RNF130: variants seen among roughly 807,000 people sequenced by gnomAD.
RNF130 encodes E3 ubiquitin-protein ligase RNF130.
RNF130 carries 21 observed loss-of-function variants against 44.6 expected under a neutral mutation model. The observed-to-expected ratio is 0.47, with a 90% CI of 0.33 to 0.68. The LOEUF (loss-of-function observed/expected upper bound fraction) is 0.68. Among genes scored for constraint, RNF130 ranks in the 30% least tolerant of loss-of-function variants. The pLI, the probability that RNF130 is intolerant of heterozygous loss-of-function variation, is 0.02. For synonymous variants in RNF130, 214 were observed against 210.4 expected, an observed-to-expected ratio of 1.02 and a Z score of -0.15; for missense variants, 479 against 560.6, an observed-to-expected ratio of 0.85 and a Z score of 1.47.
rs556311272 is a variant in RNF130 at position 179,962,435 on chromosome 5, T to C, written c.1244+1036A>G. On this transcript the variant is annotated intron_variant, in intron 8 of 8. Coordinates refer to ENST00000521389, the MANE Select transcript of RNF130 (RefSeq NM_018434.6). Reference sequence around the variant, plus strand: ...CAACTGCATGAGGTAATCAGTTTGGTTATTACTCATCAATTAAAGTATCAG... The same window carrying C: ...CAACTGCATGAGGTAATCAGTTTGGCTATTACTCATCAATTAAAGTATCAG... Among the ~76,000 whole-genome samples the C allele has an allele frequency of 2.0e-5, 3 of 152,306 alleles. No homozygotes were observed. The South Asian group carries it at 6.2e-4, about 32-fold the overall frequency.
intron 7 of RNF130, among the ~76,000 whole-genome samples, chr5:179,938,765 C>T (rs1432967892): frequency 6.6e-6 from 1 of 152,136 alleles, no homozygotes; most frequent in Non-Finnish European, 1.5e-5. Flanking sequence ...CCTTTCACTA[C>T]TAACTACTGA....
chr5:179,928,816 G>C (rs1222637622), intron 7 of RNF130, among the ~76,000 whole-genome samples: 1 of 151,942 alleles, frequency 6.6e-6, no homozygotes, highest in East Asian at 1.9e-4. Flanking sequence ...TTTTAGTAGA[G>C]ACGGGGTTTC....
chr5:179,928,261 A>G (rs1182434879), intron 7 of RNF130, among the ~76,000 whole-genome samples: 1 of 152,122 alleles, frequency 6.6e-6, no homozygotes, highest in Admixed American at 6.5e-5. Context: ...GTCAGCAGAC[A>G]CTGGCCATGT....
intron 3 of RNF130, among the ~76,000 whole-genome samples, chr5:179,980,961 C>A (rs1762820764): frequency 6.6e-6 from 1 of 152,034 alleles, no homozygotes; most frequent in Non-Finnish European, 1.5e-5. Context: ...ATGCCCAGGG[C>A]CAGGTGGCAG....
At chr5:180,006,526 AT>A (rs1763466315) in intron 3 of RNF130, among the ~76,000 whole-genome samples, 1 of 152,236 alleles carries the variant, frequency 6.6e-6, no homozygotes, top group South Asian at 2.1e-4. Context: ...TACACATGTT[AT>A]GGCAAGAAGC....
intron 7 of RNF130, chr5:179,940,234 CTT>C (rs749069307): frequency 4.1e-5 from 6 of 144,594 alleles, no homozygotes; most frequent in Non-Finnish European, 4.6e-5. Flanking sequence ...TCTTTTTTTT[CTT>C]TTTTTTTTTT....
chr5:179,995,968 A>C (rs1190692559), intron 3 of RNF130, among the ~76,000 whole-genome samples: 2 of 152,224 alleles, frequency 1.3e-5, no homozygotes, highest in Non-Finnish European at 2.9e-5. Flanking sequence ...GGAAAAACCC[A>C]TACAAAGATT....
At chr5:180,012,705 G>A (rs1763620873) in intron 3 of RNF130, among the ~76,000 whole-genome samples, 2 of 152,158 alleles carry the variant, frequency 1.3e-5, no homozygotes, top group Non-Finnish European at 2.9e-5. Context: ...GGGGAAGAGT[G>A]AAGTCTCCCT....
chr5:180,065,513 C>A (rs1374985573), intron 1 of RNF130, among the ~76,000 whole-genome samples: 1 of 152,156 alleles, frequency 6.6e-6, no homozygotes, highest in African/African-American at 2.4e-5. Context: ...GTAATCCCAG[C>A]ACTTTGGGAG....
intron 7 of RNF130, among the ~76,000 whole-genome samples, chr5:179,949,538 C>G (rs747739088): frequency 6.6e-6 from 1 of 152,024 alleles, no homozygotes; most frequent in Admixed American, 6.6e-5. Context: ...AACAACCTGT[C>G]TCTTGCATTA....
intron 2 of RNF130, among the ~76,000 whole-genome samples, chr5:180,034,889 T>C (rs1354615938): frequency 6.6e-6 from 1 of 152,234 alleles, no homozygotes; most frequent in African/African-American, 2.4e-5. Flanking sequence ...TAAGTTTCTG[T>C]AGAGTCAGTA....
At chr5:180,007,991 T>TG (rs1159775325) in intron 3 of RNF130, among the ~76,000 whole-genome samples, 3 of 150,048 alleles carry the variant, frequency 2.0e-5, no homozygotes, top group African/African-American at 7.3e-5. Context: ...TCTTTTAGTT[T>TG]TTTTTTTTTT....
intron 7 of RNF130, among the ~76,000 whole-genome samples, chr5:179,929,449 C>T (rs1289728579): frequency 3.3e-5 from 5 of 152,106 alleles, no homozygotes; most frequent in Admixed American, 6.6e-5. Context: ...TCCATTTCCA[C>T]GTAAATTCTA....
chr5:180,015,109 A>T (rs1424292145), intron 2 of RNF130, among the ~76,000 whole-genome samples: 1 of 152,256 alleles, frequency 6.6e-6, no homozygotes, highest in Non-Finnish European at 1.5e-5. Context: ...AGTTTACCAG[A>T]ATACCGATTA....
intron 7 of RNF130, among the ~76,000 whole-genome samples, chr5:179,936,288 G>C (rs997670167): frequency 6.6e-6 from 1 of 152,156 alleles, no homozygotes; most frequent in African/African-American, 2.4e-5. Context: ...TTTTTGTAGA[G>C]ACAGGGTCTT....
chr5:179,945,674 G>A (rs1418661514), intron 7 of RNF130, among the ~76,000 whole-genome samples: 1 of 152,068 alleles, frequency 6.6e-6, no homozygotes, highest in Non-Finnish European at 1.5e-5. Flanking sequence ...TGAATGTATC[G>A]GAGGTGCAGG....
intron 3 of RNF130, among the ~76,000 whole-genome samples, chr5:180,001,033 T>C (rs1278733590): frequency 6.6e-6 from 1 of 152,172 alleles, no homozygotes; most frequent in Non-Finnish European, 1.5e-5. Context: ...TGGACAAAGA[T>C]TTTCGCCTAC....
intron 1 of RNF130, among the ~76,000 whole-genome samples, chr5:180,042,264 A>G (rs1485685292): frequency 6.6e-6 from 1 of 152,218 alleles, no homozygotes; most frequent in Non-Finnish European, 1.5e-5. Context: ...TCTTTCAACT[A>G]TTGTGGTGAG....
intron 2 of RNF130, among the ~76,000 whole-genome samples, chr5:180,031,357 C>A (rs974674220): frequency 3.9e-5 from 6 of 152,040 alleles, no homozygotes; most frequent in African/African-American, 1.4e-4. Flanking sequence ...CATGGTGGCA[C>A]GCACCTGTAA....
Sources: allele counts gnomAD v4.1 joint callset (sites outside exome capture counted in the v4.1 genomes callset), GRCh38; gene constraint gnomAD v4.1.1; transcripts MANE v1.5; gene names NCBI Gene and HGNC (gene_info 2026-07-23, HGNC 2026-07-21).